CHRNB2: variants seen among roughly 807,000 people sequenced by gnomAD.
The protein encoded by CHRNB2 is neuronal acetylcholine receptor subunit beta-2.
A neutral mutation model predicts 42.7 loss-of-function variants in CHRNB2; 33 were observed. The observed-to-expected ratio is 0.77, with a 90% CI of 0.59 to 1.03. The LOEUF (loss-of-function observed/expected upper bound fraction) is 1.03, where lower values mean the gene tolerates loss of function less well. Among genes scored for constraint, CHRNB2 ranks in the 50% least tolerant of loss-of-function variants. The probability of loss-of-function intolerance (pLI) is 0.00; values close to 1 mark genes in which losing one functional copy is unlikely to be tolerated. For missense variants in CHRNB2, 603 were observed against 700.9 expected, an observed-to-expected ratio of 0.86 and a Z score of 1.58; for synonymous variants, 325 against 292.9, an observed-to-expected ratio of 1.11 and a Z score of -1.12.
Position 154,571,837 on chromosome 1 carries a change from C to G in CHRNB2, c.1014C>G (p.Val338=), listed in dbSNP as rs1696172012. ...CCATGGCGCCCTGGGTGAAGGTCGT[C>G]TTCCTGGAGAAGCTGCCCGCGCTGC... is the stretch of plus-strand genomic sequence containing the variant. ...THTMAPWVKV[V]FLEKLPALLF... The change falls in exon 5 of 6, where the codon GTC becomes GTG. Residue 338 remains valine (V), a synonymous_variant. Transcript: ENST00000368476. The surrounding 1 kb of genome is among the most constrained non-coding windows in gnomAD (Gnocchi z 6.8). 6.2e-7 allele frequency: 1 copy of G among 1,612,776 alleles called. No homozygotes were observed. The highest frequency in any genetic ancestry group is 8.5e-7 in the Non-Finnish European group (1 of 1,179,900).
In CHRNB2 at chr1:154,576,224, G is replaced by C; in HGVS notation, c.*292G>C. 1 of 481,494 alleles carries C rather than the reference G, an allele frequency of 2.1e-6. No homozygotes were observed. The highest frequency in any genetic ancestry group is 3.8e-6 in the Non-Finnish European group (1 of 260,464). 29.8% of individuals were successfully genotyped at this position (481,494 alleles called of 1,614,324 possible). A position where few individuals can be genotyped will look rare whatever the true frequency, so the allele number is the denominator to read the frequency against. Reference sequence around the variant, plus strand: ...CTAAGTGGAAGACAGAGATGGCAGAGCCATCCACCCTGAGGAGTGATGGGC... The same window carrying C: ...CTAAGTGGAAGACAGAGATGGCAGACCCATCCACCCTGAGGAGTGATGGGC... On this transcript the variant is annotated 3_prime_UTR_variant, in exon 6 of 6. Transcript: ENST00000368476.
In CHRNB2 at chr1:154,568,170, G is replaced by C. The variant is rs1268353401; in HGVS notation, c.64+62G>C. ...CCCAGCCAACGGCCCAAGACTCGCC[G>C]CCCTCTGACTCACCCCTGCTAGGCC... On this transcript the variant is annotated intron_variant, in intron 1 of 5. Coordinates refer to ENST00000368476, the MANE Select transcript of CHRNB2 (RefSeq NM_000748.3). The C allele has an allele frequency of 2.6e-6, 4 of 1,525,478 alleles. No homozygotes were observed. The African/African-American group carries it at 4.1e-5, about 16-fold the overall frequency. The allele number at this position is 1,525,478 out of a possible 1,614,324, so 94.5% of individuals were successfully genotyped here.
Position 154,571,837 on chromosome 1 carries a change from C to T in CHRNB2, c.1014C>T (p.Val338=). Residue 338 remains valine (V), a synonymous_variant, in exon 5 of 6, where the codon GTC becomes GTT. Transcript: ENST00000368476. This position sits in a 1 kb window ranked among gnomAD's most constrained non-coding sequence, Gnocchi z 6.8. ...CCATGGCGCCCTGGGTGAAGGTCGT[C>T]TTCCTGGAGAAGCTGCCCGCGCTGC... ...THTMAPWVKV[V]FLEKLPALLF... is the part of the protein sequence containing the mutation. 6.2e-7 allele frequency: 1 copy of T among 1,612,894 alleles called. No individual in the cohort carries two copies. The highest frequency in any genetic ancestry group is 8.5e-7 in the Non-Finnish European group (1 of 1,179,892).
Position 154,576,531 on chromosome 1 carries a change from C to T in CHRNB2, c.*599C>T. On this transcript the variant is annotated 3_prime_UTR_variant, in exon 6 of 6. Coordinates refer to ENST00000368476, the MANE Select transcript of CHRNB2 (RefSeq NM_000748.3). The stretch of plus-strand genomic sequence containing the variant: ...GTCACAGACCCCTGGGGGAGGCTTC[C>T]AGCTCAGTCCCACAGCCCCTTGCTT... 5.6e-6 allele frequency: 1 copy of T among 179,720 alleles called. No individual in the cohort carries two copies. Among genetic ancestry groups the T allele is most frequent in the South Asian group, 1.2e-4 (1 of 8,090 alleles). 11.1% of individuals were successfully genotyped at this position (179,720 alleles called of 1,614,324 possible).
intron 5 of CHRNB2, 94 bp downstream of exon 5, chr1:154,572,255 G>C: frequency 3.3e-6 from 5 of 1,521,710 alleles, no homozygotes; most frequent in Non-Finnish European, 4.4e-6. Context: ...GACATGCAGA[G>C]GTAGTAGGAG....
chr1:154,572,963 C>T lies in CHRNB2; in HGVS notation c.1338+802C>T, dbSNP rs76593088. Among the ~76,000 whole-genome samples the T allele has an allele frequency of 7.9e-5, 12 of 152,326 alleles. No individual in the cohort carries two copies. The East Asian group carries it at 2.3e-3, about 29-fold the overall frequency. Reference sequence around the variant, plus strand: ...ACTTTGGGTAGGGGCCGGCCCCACCCTGTGGTCAGTCTCTGGCTACCTGGC... The same window carrying T: ...ACTTTGGGTAGGGGCCGGCCCCACCTTGTGGTCAGTCTCTGGCTACCTGGC... On this transcript the variant is annotated intron_variant, in intron 5 of 5. Transcript: ENST00000368476.
At position 154,569,466 on chromosome 1, in the gene CHRNB2, G is replaced by A. The variant is rs1696121294; in HGVS notation, c.69G>A (p.Val23=). 6.2e-7 allele frequency: 1 copy of A among 1,613,900 alleles called. No homozygotes were observed. The highest frequency in any genetic ancestry group is 1.7e-4 in the Middle Eastern group (1 of 5,920). The change falls in exon 2 of 6, where the codon GTG becomes GTA. Residue 23 remains valine (V), a synonymous_variant. Transcript: ENST00000368476. ...GFGLLRLCSG[V]WGTDTEERLV... ...TCCTGCCTTTCCCCTGCCCAGGGGT[G>A]TGGGGTACGGATACAGAGGAGCGGC...
Position 154,576,648 on chromosome 1 carries a change from G to C in CHRNB2, c.*716G>C, listed in dbSNP as rs1390366365. The stretch of plus-strand genomic sequence containing the variant: ...TCCCTCTTCTTCCTTCCTTTCTCAG[G>C]CTCAAGGTGTGGGGGGCAAGGCTGA... On this transcript the variant is annotated 3_prime_UTR_variant, in exon 6 of 6. Transcript: ENST00000368476. 6 of 155,048 alleles carry C rather than the reference G, an allele frequency of 3.9e-5. No individual in the cohort carries two copies. Among genetic ancestry groups the C allele is most frequent in the Admixed American group, 1.9e-4 (3 of 15,800 alleles). The allele number at this position is 155,048 out of a possible 1,614,324, so 9.6% of individuals were successfully genotyped here. A position where few individuals can be genotyped will look rare whatever the true frequency, so the allele number is the denominator to read the frequency against.
At chr1:154,569,440 G>A (rs200114372) in intron 1 of CHRNB2, 22 bp from the exon 2 acceptor site, 35 of 1,612,926 alleles carry the variant, frequency 2.2e-5, no homozygotes, top group African/African-American at 5.3e-5. Context: ...GCTTACTTTC[G>A]TCCTGCCTTT....
chr1:154,570,886 T>C (rs1051426627), intron 4 of CHRNB2, among the ~76,000 whole-genome samples: 1 of 152,092 alleles, frequency 6.6e-6, no homozygotes, highest in African/African-American at 2.4e-5. Context: ...AACCAGCTTA[T>C]ACAATGTGTG....
intron 1 of CHRNB2, among the ~76,000 whole-genome samples, chr1:154,568,443 T>C (rs1696101448): frequency 6.6e-6 from 1 of 152,102 alleles, no homozygotes; most frequent in African/African-American, 2.4e-5. Context: ...CTGAGGGCGC[T>C]AAGATGCCAT....
At chr1:154,573,606 T>G (rs1373363999) in intron 5 of CHRNB2, among the ~76,000 whole-genome samples, 1 of 152,226 alleles carries the variant, frequency 6.6e-6, no homozygotes, top group Admixed American at 6.5e-5. Context: ...TAGGACATCA[T>G]CAGCTCTTGC....
rs771621725 is a variant in CHRNB2 at position 154,569,442 on chromosome 1, C to A, written c.65-20C>A. ...GCTCTCCTTGCCTGCTTACTTTCGT[C>A]CTGCCTTTCCCCTGCCCAGGGGTGT... On this transcript the variant is annotated intron_variant, in intron 1 of 5. Coordinates refer to ENST00000368476, the MANE Select transcript of CHRNB2 (RefSeq NM_000748.3). 1 of 1,613,132 alleles carries A rather than the reference C, an allele frequency of 6.2e-7. No individual in the cohort carries two copies. Among genetic ancestry groups the A allele is most frequent in the South Asian group, 1.1e-5 (1 of 90,970 alleles).
rs1220830241 is a variant in CHRNB2 at position 154,571,444 on chromosome 1, G to A, written c.621G>A (p.Ala207=). 2 of 1,613,996 alleles carry A rather than the reference G, an allele frequency of 1.2e-6. No individual in the cohort carries two copies. The highest frequency in any genetic ancestry group is 2.7e-5 in the African/African-American group (2 of 74,900). The stretch of plus-strand genomic sequence containing the variant: ...CTAGTGGTGAGTGGGACATCGTGGC[G>A]CTGCCGGGCCGGCGCAACGAGAACC... ...FTPSGEWDIV[A]LPGRRNENPD... is the part of the protein sequence containing the mutation. Residue 207 remains alanine (A), a synonymous_variant, in exon 5 of 6, where the codon GCG becomes GCA. Transcript: ENST00000368476. The surrounding 1 kb of genome is among the most constrained non-coding windows in gnomAD (Gnocchi z 6.8).
rs202203501 is a variant in CHRNB2 at position 154,571,151 on chromosome 1, C to T, written c.366-38C>T. On this transcript the variant is annotated intron_variant, in intron 4 of 5. Transcript: ENST00000368476. The surrounding 1 kb of genome is among the most constrained non-coding windows in gnomAD (Gnocchi z 6.8). The stretch of plus-strand genomic sequence containing the variant: ...GGGTTGATGGGTAAGGAGGAAGGAA[C>T]GCTTAGGCCAGGGCTGACTGTGCCC... The T allele has an allele frequency of 7.1e-5, 115 of 1,613,702 alleles. No individual in the cohort carries two copies. The highest frequency in any genetic ancestry group is 9.1e-5 in the Non-Finnish European group (107 of 1,180,046).
At chr1:154,572,763 T>A (rs1696202378) in intron 5 of CHRNB2, among the ~76,000 whole-genome samples, 1 of 152,036 alleles carries the variant, frequency 6.6e-6, no homozygotes, top group African/African-American at 2.4e-5. Flanking sequence ...GGGGATGGCC[T>A]CCTGAAATAT....
rs1696174881 is a variant in CHRNB2 at position 154,571,909 on chromosome 1, C to T, written c.1086C>T (p.Arg362=). ...ATCATTGCGCCCGTCAGCGCCTGCG[C>T]CTGCGGCGACGCCAGCGTGAGCGCG... ...PRHHCARQRL[R]LRRRQREREG... The change falls in exon 5 of 6, where the codon CGC becomes CGT. Residue 362 remains arginine (R), a synonymous_variant. Coordinates refer to ENST00000368476, the MANE Select transcript of CHRNB2 (RefSeq NM_000748.3). This position sits in a 1 kb window ranked among gnomAD's most constrained non-coding sequence, Gnocchi z 6.8. 1 of 1,574,026 alleles carries T rather than the reference C, an allele frequency of 6.4e-7. No individual in the cohort carries two copies. The highest frequency in any genetic ancestry group is 1.8e-5 in the Admixed American group (1 of 55,274).
chr1:154,572,639 G>A (rs1269974689), intron 5 of CHRNB2, among the ~76,000 whole-genome samples: 1 of 152,118 alleles, frequency 6.6e-6, no homozygotes, highest in Non-Finnish European at 1.5e-5. Flanking sequence ...GACAGTAGGA[G>A]TGGTGTGTAT....
At position 154,576,028 on chromosome 1, in the gene CHRNB2, G is replaced by A. The variant is rs201216419; in HGVS notation, c.*96G>A. 1.8e-4 allele frequency: 276 copies of A among 1,495,700 alleles called. No homozygotes were observed. In the East Asian group the frequency reaches 4.2e-3, roughly 23 times the overall value. 92.7% of individuals were successfully genotyped at this position (1,495,700 alleles called of 1,614,324 possible). Reference sequence around the variant, plus strand: ...GACGAGTGAGCTACCAGGAAGAGGGGCGCTGCCCCCACAGATCCATCCTTT... The same window carrying A: ...GACGAGTGAGCTACCAGGAAGAGGGACGCTGCCCCCACAGATCCATCCTTT... On this transcript the variant is annotated 3_prime_UTR_variant, in exon 6 of 6. Coordinates refer to ENST00000368476, the MANE Select transcript of CHRNB2 (RefSeq NM_000748.3).
Sources: gnomAD v4.1 joint callset for allele counts (sites outside exome capture counted in the v4.1 genomes callset) on GRCh38, gnomAD v4.1.1 for gene constraint, Gnocchi (gnomAD v3.1) non-coding constraint, MANE v1.5 for transcripts, NCBI Gene and HGNC (gene_info 2026-07-23, HGNC 2026-07-21) for gene names.